The following FHIT variants were observed in gnomAD, a reference collection of about 807,000 sequenced individuals.
FHIT encodes bis(5'-adenosyl)-triphosphatase.
A neutral mutation model predicts 17.9 loss-of-function variants in FHIT; 19 were observed. The ratio of observed to expected loss-of-function variants is 1.06; its 90% confidence interval spans 0.74 to 1.56. The LOEUF is 1.56. Ranked by LOEUF, FHIT falls within the 40% of genes most tolerant of loss-of-function variation. The pLI is 0.00. For synonymous variants in FHIT, 81 were observed against 69.7 expected (o/e 1.16, Z -0.81); for missense variants, 248 against 189.2 (o/e 1.31, Z -1.82).
intron 5 of FHIT, among the ~76,000 whole-genome samples, chr3:60,292,648 C>T (rs1025944877): frequency 6.6e-6 from 1 of 151,930 alleles, no homozygotes; most frequent in Non-Finnish European, 1.5e-5. Context: ...AATTGCCGGC[C>T]AAGATATCCC....
intron 7 of FHIT, among the ~76,000 whole-genome samples, chr3:59,976,604 C>T (rs3772480): frequency 0.47 from 71,418 of 151,770 alleles, 18,138 homozygotes; most frequent in Middle Eastern, 0.61. Context: ...TCCAGGCACA[C>T]GCCCCAGCCT....
At chr3:60,710,128 T>C (rs1361172655) in intron 4 of FHIT, among the ~76,000 whole-genome samples, 1 of 152,002 alleles carries the variant, frequency 6.6e-6, no homozygotes, top group Admixed American at 6.6e-5. Flanking sequence ...AATTAATAAT[T>C]TTTACTTTTC....
intron 5 of FHIT, among the ~76,000 whole-genome samples, chr3:60,484,409 G>C (rs2033748596): frequency 6.6e-6 from 1 of 151,994 alleles, no homozygotes; most frequent in Admixed American, 6.6e-5. Context: ...AGGCTACCTG[G>C]CTTCAAACTA....
Position 60,115,484 on chromosome 3 carries a change from A to G in FHIT, c.104-101332T>C, listed in dbSNP as rs569997482. On this transcript the variant is annotated intron_variant, in intron 5 of 9. Coordinates refer to ENST00000492590, the MANE Select transcript of FHIT (RefSeq NM_002012.4). Reference sequence around the variant, plus strand: ...ATTTTGTTGGAAAAATAGGCAGAGTATTTTCATTTATATTCAAGTCTTCAG... The same window carrying G: ...ATTTTGTTGGAAAAATAGGCAGAGTGTTTTCATTTATATTCAAGTCTTCAG... Among the ~76,000 whole-genome samples, 6 of 152,290 alleles carry G rather than the reference A, an allele frequency of 3.9e-5. No individual in the cohort carries two copies. In the East Asian group the frequency reaches 1.2e-3, roughly 29 times the overall value.
intron 5 of FHIT, among the ~76,000 whole-genome samples, chr3:60,389,227 G>T (rs1383745680): frequency 6.6e-6 from 1 of 152,124 alleles, no homozygotes; most frequent in African/African-American, 2.4e-5. Flanking sequence ...AGAAACTCTG[G>T]AGCAAGGGCC....
chr3:60,570,737 T>TAAAAAAAAAAAAAA (rs10637926), intron 4 of FHIT, among the ~76,000 whole-genome samples: 1 of 132,526 alleles, frequency 7.5e-6, no homozygotes, highest in African/African-American at 2.8e-5. Flanking sequence ...ATTAAAAAAT[T>TAAAAAAAAAAAAAA]AAAAAAAAAA....
At chr3:60,927,052 C>T (rs549757569) in intron 3 of FHIT, among the ~76,000 whole-genome samples, 3 of 152,278 alleles carry the variant, frequency 2.0e-5, no homozygotes, top group South Asian at 2.1e-4. Context: ...CCTCTGTTGC[C>T]GAGGCTGGAC....
Position 60,898,451 on chromosome 3 carries a change from G to A in FHIT, c.-110-76440C>T, listed in dbSNP as rs139495992. Among the ~76,000 whole-genome samples, 265 of 152,332 alleles carry A rather than the reference G, an allele frequency of 1.7e-3. 1 individual carries two copies. The highest frequency in any genetic ancestry group is 6.1e-3 in the African/African-American group (252 of 41,584). Reference sequence around the variant, plus strand: ...ATACGTGGTCAAGTTGCCACCAGCAGTGTATGGTGGGTTCCCTTTACCCAC... The same window carrying A: ...ATACGTGGTCAAGTTGCCACCAGCAATGTATGGTGGGTTCCCTTTACCCAC... On this transcript the variant is annotated intron_variant, in intron 3 of 9. Coordinates refer to ENST00000492590, the MANE Select transcript of FHIT (RefSeq NM_002012.4).
intron 5 of FHIT, among the ~76,000 whole-genome samples, chr3:60,286,588 TCAAA>T (rs976250767): frequency 1.3e-5 from 2 of 152,126 alleles, no homozygotes; most frequent in Non-Finnish European, 2.9e-5. Context: ...ATTTTTTATC[TCAAA>T]CAGAGTGGCC....
intron 5 of FHIT, among the ~76,000 whole-genome samples, chr3:60,451,930 C>G (rs982863920): frequency 2.6e-5 from 4 of 152,122 alleles, no homozygotes; most frequent in Non-Finnish European, 5.9e-5. Flanking sequence ...TGAGGCCACC[C>G]ACTTCCAAAT....
At chr3:60,390,408 A>C (rs1347016365) in intron 5 of FHIT, among the ~76,000 whole-genome samples, 3 of 112,048 alleles carry the variant, frequency 2.7e-5, no homozygotes, top group African/African-American at 9.3e-5. Context: ...AAAAAAAAAA[A>C]AAAAAAAAAA....
At chr3:61,183,415 A>G (rs1402606430) in intron 2 of FHIT, among the ~76,000 whole-genome samples, 1 of 152,214 alleles carries the variant, frequency 6.6e-6, no homozygotes, top group Non-Finnish European at 1.5e-5. Flanking sequence ...TAAAGTTATC[A>G]GGGAACACAG....
Position 60,536,995 on chromosome 3 carries a change from A to T in FHIT, c.-17-16T>A. On this transcript the variant is annotated splice_polypyrimidine_tract_variant and intron_variant, in intron 4 of 9. Transcript: ENST00000492590. ...CAGTTGAAGTCTAAAAGAAAAGACA[A>T]TGGATAGTTATAAAATTCAATTAAG... 6.3e-7 allele frequency: 1 copy of T among 1,584,096 alleles called. No individual in the cohort carries two copies. The highest frequency in any genetic ancestry group is 2.2e-5 in the East Asian group (1 of 44,590).
At chr3:61,184,137 C>A (rs943627794) in intron 2 of FHIT, among the ~76,000 whole-genome samples, 1 of 152,080 alleles carries the variant, frequency 6.6e-6, no homozygotes, top group South Asian at 2.1e-4. Flanking sequence ...AGTGTCTCTA[C>A]CCAGGAGATA....
At chr3:60,655,699 T>C (rs1285901469) in intron 4 of FHIT, among the ~76,000 whole-genome samples, 3 of 152,166 alleles carry the variant, frequency 2.0e-5, no homozygotes, top group Admixed American at 2.0e-4. Flanking sequence ...AGCTCTGTCA[T>C]GACCCTAGAT....
At chr3:60,910,996 T>TAAAGAGATTTAA (rs1553765743) in intron 3 of FHIT, among the ~76,000 whole-genome samples, 2 of 152,122 alleles carry the variant, frequency 1.3e-5, no homozygotes, top group Non-Finnish European at 2.9e-5. Flanking sequence ...ATTTTAAAGA[T>TAAAGAGATTTAA]AGAAATAAAG....
At chr3:60,615,372 T>C (rs890056105) in intron 4 of FHIT, among the ~76,000 whole-genome samples, 1 of 152,220 alleles carries the variant, frequency 6.6e-6, no homozygotes, top group Non-Finnish European at 1.5e-5. Flanking sequence ...GGAAACGTGA[T>C]TCCGTGGGCT....
intron 5 of FHIT, among the ~76,000 whole-genome samples, chr3:60,255,108 T>G (rs888840669): frequency 1.1e-4 from 16 of 152,170 alleles, no homozygotes; most frequent in Non-Finnish European, 2.2e-4. Context: ...TTATAATAAC[T>G]TTTCCTTATG....
rs568659736 is a variant in FHIT at position 59,873,967 on chromosome 3, CT to C, written c.348+48378del. Among the ~76,000 whole-genome samples the C allele has an allele frequency of 5.2e-3, 787 of 150,324 alleles. 6 individuals are homozygous for C. The highest frequency in any genetic ancestry group is 0.016 in the Admixed American group (248 of 15,078). On this transcript the variant is annotated intron_variant, in intron 8 of 9. Coordinates refer to ENST00000492590, the MANE Select transcript of FHIT (RefSeq NM_002012.4). Reference sequence around the variant, plus strand: ...TGAAGCCTTCAGCTTCCAAGCAACACTTTTTTTTTTCTGGTGAACCGGTCTC... The same window carrying C: ...TGAAGCCTTCAGCTTCCAAGCAACACTTTTTTTTTCTGGTGAACCGGTCTC...
Sources: gnomAD v4.1 joint callset for allele counts (sites outside exome capture counted in the v4.1 genomes callset) on GRCh38, gnomAD v4.1.1 for gene constraint, MANE v1.5 for transcripts, NCBI Gene and HGNC (gene_info 2026-07-23, HGNC 2026-07-21) for gene names.